CSRNP3: variants seen among roughly 807,000 people sequenced by gnomAD.
The protein encoded by CSRNP3 is cysteine and serine rich nuclear protein 3, also known as cysteine/serine-rich nuclear protein 3.
Under a neutral mutation model 48.0 loss-of-function variants are expected in CSRNP3, and 12 were observed. That is an observed-to-expected ratio of 0.25 (90% CI 0.16 to 0.41). The LOEUF (loss-of-function observed/expected upper bound fraction) is 0.41, where lower values mean the gene tolerates loss of function less well. Ranked by LOEUF, CSRNP3 falls within the 10% of genes least tolerant of loss-of-function variation. CSRNP3 has a pLI of 1.00. For missense variants in CSRNP3, 580 were observed against 724.4 expected, an observed-to-expected ratio of 0.80 and a Z score of 2.29; for synonymous variants, 263 against 269.7, an observed-to-expected ratio of 0.98 and a Z score of 0.24.
At chr2:165,505,973 T>C (rs1254525246) in intron 2 of CSRNP3, among the ~76,000 whole-genome samples, 1 of 152,166 alleles carries the variant, frequency 6.6e-6, no homozygotes, top group Non-Finnish European at 1.5e-5. Flanking sequence ...AACAGAGATA[T>C]CCTAGCTCAT....
At chr2:165,534,766 T>C (rs1483224218) in intron 3 of CSRNP3, among the ~76,000 whole-genome samples, 1 of 151,746 alleles carries the variant, frequency 6.6e-6, no homozygotes, top group Non-Finnish European at 1.5e-5. Context: ...CAAGTTTCTT[T>C]AAAAAACAAT....
intron 4 of CSRNP3, among the ~76,000 whole-genome samples, chr2:165,616,136 A>AT (rs1686239285): frequency 6.6e-6 from 1 of 151,998 alleles, no homozygotes; most frequent in East Asian, 1.9e-4. Flanking sequence ...TCCAGTCTAT[A>AT]TTTTTTAACT....
chr2:165,599,507 T>C (rs1306008598), intron 4 of CSRNP3, among the ~76,000 whole-genome samples: 1 of 152,068 alleles, frequency 6.6e-6, no homozygotes, highest in Admixed American at 6.5e-5. Context: ...CCCAGACTGG[T>C]CTCAAACTAC....
At chr2:165,615,732 T>C (rs1686228623) in intron 4 of CSRNP3, among the ~76,000 whole-genome samples, 1 of 151,876 alleles carries the variant, frequency 6.6e-6, no homozygotes, top group African/African-American at 2.4e-5. Flanking sequence ...ATCCCTTCAC[T>C]TTTATTTATT....
In CSRNP3 at chr2:165,597,450, C is replaced by T. The variant is rs551938692; in HGVS notation, c.148+2237C>T. On this transcript the variant is annotated intron_variant, in intron 4 of 6. Transcript: ENST00000651982. ...TTGAAAAAGAAGTGATTTAGACTCA[C>T]GTCTCACAACATATGCCAAAATACC... 9.9e-5 allele frequency among the ~76,000 whole-genome samples: 15 copies of T among 152,146 alleles called. No homozygotes were observed. The South Asian group carries it at 1.2e-3, about 13-fold the overall frequency.
chr2:165,576,643 G>A (rs1685455718), intron 3 of CSRNP3, among the ~76,000 whole-genome samples: 1 of 151,970 alleles, frequency 6.6e-6, no homozygotes, highest in Admixed American at 6.6e-5. Flanking sequence ...TCTCTATGCA[G>A]ATTCACTCAA....
chr2:165,534,923 T>C lies in CSRNP3; in HGVS notation c.-24+16962T>C, dbSNP rs577336654. Among the ~76,000 whole-genome samples, 8 of 151,846 alleles carry C rather than the reference T, an allele frequency of 5.3e-5. No homozygotes were observed. In the South Asian group the frequency reaches 1.7e-3, roughly 32 times the overall value. On this transcript the variant is annotated intron_variant, in intron 3 of 6. Transcript: ENST00000651982. ...GTAACATTTAAATTATTAAAGCAAG[T>C]ATATATAACACATAATAAAAAGTGT...
At chr2:165,529,217 T>G (rs1684781004) in intron 3 of CSRNP3, among the ~76,000 whole-genome samples, 1 of 152,150 alleles carries the variant, frequency 6.6e-6, no homozygotes, top group South Asian at 2.1e-4. Flanking sequence ...GGTTTTGAAA[T>G]GTGAGGACAT....
At chr2:165,511,559 A>G (rs1461755133) in intron 2 of CSRNP3, among the ~76,000 whole-genome samples, 1 of 152,168 alleles carries the variant, frequency 6.6e-6, no homozygotes, top group East Asian at 1.9e-4. Flanking sequence ...AGACTACATG[A>G]TCACAAATGC....
At chr2:165,661,103 G>A (rs535195141) in intron 5 of CSRNP3, among the ~76,000 whole-genome samples, 16 of 152,046 alleles carry the variant, frequency 1.1e-4, no homozygotes, top group Middle Eastern at 3.4e-3. Context: ...TATTGACTGT[G>A]GTTTAGCTAT....
intron 1 of CSRNP3, among the ~76,000 whole-genome samples, chr2:165,493,926 A>G (rs924454281): frequency 6.6e-6 from 1 of 152,040 alleles, no homozygotes; most frequent in Non-Finnish European, 1.5e-5. Context: ...TTTGTTTGCA[A>G]CCCATGATCA....
At chr2:165,537,850 G>T (rs898076895) in intron 3 of CSRNP3, among the ~76,000 whole-genome samples, 3 of 151,582 alleles carry the variant, frequency 2.0e-5, no homozygotes, top group Non-Finnish European at 4.4e-5. Context: ...TTTACCACTT[G>T]CCTTCCATTT....
intron 1 of CSRNP3, among the ~76,000 whole-genome samples, chr2:165,475,401 G>A (rs930091205): frequency 3.9e-5 from 6 of 152,114 alleles, no homozygotes; most frequent in African/African-American, 1.2e-4. Flanking sequence ...TCCATTTTCA[G>A]AGATCTTCCC....
At chr2:165,558,050 A>C (rs1051189712) in intron 3 of CSRNP3, among the ~76,000 whole-genome samples, 1 of 152,244 alleles carries the variant, frequency 6.6e-6, no homozygotes, top group Non-Finnish European at 1.5e-5. Flanking sequence ...AATAAACACT[A>C]TACAAAGAGA....
At chr2:165,662,468 C>G (rs1687114200) in intron 5 of CSRNP3, among the ~76,000 whole-genome samples, 1 of 152,138 alleles carries the variant, frequency 6.6e-6, no homozygotes, top group Non-Finnish European at 1.5e-5. Context: ...GAGCACAGTT[C>G]TTCTTCTCTG....
In CSRNP3 at chr2:165,521,792, C is replaced by G. The variant is rs10166438; in HGVS notation, c.-24+3831C>G. Among the ~76,000 whole-genome samples the G allele has an allele frequency of 4.1e-3, 622 of 152,288 alleles. 3 individuals are homozygous for G. Among genetic ancestry groups the G allele is most frequent in the African/African-American group, 0.014 (580 of 41,562 alleles). The stretch of plus-strand genomic sequence containing the variant: ...AGGGCGTTTAGCAGCATTTCTGGTA[C>G]TAGATGCCATTGGCACTTCATCTTT... On this transcript the variant is annotated intron_variant, in intron 3 of 6. Transcript: ENST00000651982.
intron 1 of CSRNP3, among the ~76,000 whole-genome samples, chr2:165,476,310 T>A (rs1239604292): frequency 6.6e-6 from 1 of 152,210 alleles, no homozygotes; most frequent in Non-Finnish European, 1.5e-5. Context: ...CATGCTTGCT[T>A]GCTGTGTGTC....
In CSRNP3 at chr2:165,544,858, C is replaced by G. The variant is rs376331941; in HGVS notation, c.-24+26897C>G. On this transcript the variant is annotated intron_variant, in intron 3 of 6. Transcript: ENST00000651982. The stretch of plus-strand genomic sequence containing the variant: ...AAAACCACAAGAGACTGTAAGATCA[C>G]AAAAAAGGTAAATGTAAATAGAGAA... Among the ~76,000 whole-genome samples the G allele has an allele frequency of 1.3e-4, 20 of 151,606 alleles. 1 individual carries two copies. In the East Asian group the frequency reaches 3.1e-3, roughly 24 times the overall value.
chr2:165,642,744 T>C (rs1428489227), intron 4 of CSRNP3, among the ~76,000 whole-genome samples: 1 of 152,140 alleles, frequency 6.6e-6, no homozygotes, highest in South Asian at 2.1e-4. Context: ...GTATTTTTAG[T>C]AGAGATGGGG....
Sources: gnomAD v4.1 joint callset for allele counts (sites outside exome capture counted in the v4.1 genomes callset) on GRCh38, gnomAD v4.1.1 for gene constraint, MANE v1.5 for transcripts, NCBI Gene and HGNC (gene_info 2026-07-23, HGNC 2026-07-21) for gene names.